The following CTNNA3 variants were observed in gnomAD, a reference collection of about 807,000 sequenced individuals.
The protein encoded by CTNNA3 is catenin alpha-3.
A neutral mutation model predicts 95.7 loss-of-function variants in CTNNA3; 76 were observed. That is an observed-to-expected ratio of 0.79 (90% confidence interval 0.66 to 0.96). CTNNA3 has a LOEUF of 0.96. Ranked by LOEUF, CTNNA3 falls within the 40% of genes least tolerant of loss-of-function variation. CTNNA3 has a pLI of 0.00. For synonymous variants in CTNNA3, 431 were observed against 374.4 expected (o/e 1.15, Z -1.74); for missense variants, 1,191 against 1,089.8 (o/e 1.09, Z -1.31).
At chr10:66,919,504 C>T (rs190566903) in intron 7 of CTNNA3, among the ~76,000 whole-genome samples, 51 of 152,228 alleles carry the variant, frequency 3.4e-4, no homozygotes, top group African/African-American at 1.2e-3. Flanking sequence ...TATGGATTGA[C>T]GCTGCTGCAT....
chr10:66,066,460 A>G (rs1184236122), intron 15 of CTNNA3, among the ~76,000 whole-genome samples: 1 of 152,190 alleles, frequency 6.6e-6, no homozygotes, highest in Non-Finnish European at 1.5e-5. Flanking sequence ...AGAGAGAAGC[A>G]GAGACATATA....
rs193074309 is a variant in CTNNA3, at chr10:67,346,177, A to G, written c.580-126307T>C. ...ACTTTTTTGTTTCTATTTATACCTT[A>G]TTGTACTATCTAGGTCTTTAAAAGC... On this transcript the variant is annotated intron_variant, in intron 5 of 17. Coordinates refer to ENST00000433211, the MANE Select transcript of CTNNA3 (RefSeq NM_013266.4). Among the ~76,000 whole-genome samples, 625 of 152,208 alleles carry G rather than the reference A, an allele frequency of 4.1e-3. 6 individuals are homozygous for G. The highest frequency in any genetic ancestry group is 0.014 in the African/African-American group (576 of 41,554).
At chr10:66,432,323 A>G (rs1266922272) in intron 11 of CTNNA3, among the ~76,000 whole-genome samples, 1 of 152,196 alleles carries the variant, frequency 6.6e-6, no homozygotes, top group Non-Finnish European at 1.5e-5. Flanking sequence ...TTATGGCACT[A>G]AAACAGCGAT....
At chr10:67,695,846 A>G (rs187446797) in intron 1 of CTNNA3, among the ~76,000 whole-genome samples, 154 bp downstream of exon 1, 36 of 152,356 alleles carry the variant, frequency 2.4e-4, no homozygotes, top group African/African-American at 8.4e-4. Context: ...TAACTAGTCA[A>G]AACATTCCTA....
At chr10:67,739,583 A>G (rs1422056063) in intron 1 of CTNNA3, among the ~76,000 whole-genome samples, 1 of 151,822 alleles carries the variant, frequency 6.6e-6, no homozygotes, top group Non-Finnish European at 1.5e-5. Flanking sequence ...TAAAATACCT[A>G]GGAATCCACC....
At chr10:66,390,038 T>C (rs1000856169) in intron 11 of CTNNA3, among the ~76,000 whole-genome samples, 1 of 152,082 alleles carries the variant, frequency 6.6e-6, no homozygotes, top group African/African-American at 2.4e-5. Context: ...ACCTGGCCAG[T>C]TTTCAACAGT....
chr10:67,631,179 T>C (rs936657589), intron 2 of CTNNA3, among the ~76,000 whole-genome samples: 2 of 152,154 alleles, frequency 1.3e-5, no homozygotes, highest in African/African-American at 4.8e-5. Flanking sequence ...TGGAAGAATT[T>C]ATTACAGAGG....
At chr10:67,369,040 TC>T (rs1219552577) in intron 5 of CTNNA3, among the ~76,000 whole-genome samples, 2 of 152,170 alleles carry the variant, frequency 1.3e-5, no homozygotes, top group African/African-American at 2.4e-5. Flanking sequence ...AGCAGGGGGA[TC>T]TTTTGAGCCT....
At chr10:66,145,834 T>A (rs1021998205) in intron 13 of CTNNA3, among the ~76,000 whole-genome samples, 7 of 152,196 alleles carry the variant, frequency 4.6e-5, no homozygotes, top group Admixed American at 1.3e-4. Context: ...GGTTATCAGC[T>A]GCACTCACTC....
upstream of CTNNA3, among the ~76,000 whole-genome samples, chr10:67,697,667 C>T (rs2133599497): frequency 6.6e-6 from 1 of 152,148 alleles, no homozygotes; most frequent in Non-Finnish European, 1.5e-5. Flanking sequence ...ACAGATAAAA[C>T]CTTCTTACAG....
At chr10:67,220,974 G>A (rs1461477228) in intron 5 of CTNNA3, among the ~76,000 whole-genome samples, 1 of 152,094 alleles carries the variant, frequency 6.6e-6, no homozygotes, top group Non-Finnish European at 1.5e-5. Flanking sequence ...AATGACACCT[G>A]GGCAGTATTC....
At chr10:66,944,307 T>A (rs1848170586) in intron 7 of CTNNA3, among the ~76,000 whole-genome samples, 1 of 152,188 alleles carries the variant, frequency 6.6e-6, no homozygotes, top group African/African-American at 2.4e-5. Context: ...TCTCTGTTCA[T>A]CCATAAGCAG....
chr10:66,075,774 C>A (rs188897510), intron 14 of CTNNA3, among the ~76,000 whole-genome samples: 49 of 151,820 alleles, frequency 3.2e-4, no homozygotes, highest in African/African-American at 1.1e-3. Flanking sequence ...AACTCTCCAG[C>A]TGGCTAGTGA....
intron 9 of CTNNA3, among the ~76,000 whole-genome samples, chr10:66,675,185 A>G (rs1846806396): frequency 6.6e-6 from 1 of 152,058 alleles, no homozygotes; most frequent in African/African-American, 2.4e-5. Context: ...TATATTGAGC[A>G]AAACAAAAGC....
intron 7 of CTNNA3, among the ~76,000 whole-genome samples, chr10:66,876,987 C>T (rs1358849435): frequency 1.3e-5 from 2 of 152,076 alleles, no homozygotes; most frequent in African/African-American, 4.8e-5. Flanking sequence ...AGCCCTGAGT[C>T]ACATAATTCA....
intron 9 of CTNNA3, among the ~76,000 whole-genome samples, chr10:66,745,970 A>G (rs1191221892): frequency 6.6e-6 from 1 of 152,170 alleles, no homozygotes; most frequent in Non-Finnish European, 1.5e-5. Context: ...ATCCATGATA[A>G]GGCATTAGAT....
At chr10:65,936,172 C>T (rs527470176) in intron 17 of CTNNA3, among the ~76,000 whole-genome samples, 12 of 152,118 alleles carry the variant, frequency 7.9e-5, no homozygotes, top group East Asian at 1.9e-4. Flanking sequence ...AGACAGACTG[C>T]GCAAGTTCTT....
At chr10:66,774,926 C>A (rs1205485228) in intron 8 of CTNNA3, among the ~76,000 whole-genome samples, 1 of 152,038 alleles carries the variant, frequency 6.6e-6, no homozygotes, top group African/African-American at 2.4e-5. Context: ...TTTACAAAAA[C>A]TAATTTTTGA....
At chr10:66,609,056 T>C (rs1203376772) in intron 10 of CTNNA3, among the ~76,000 whole-genome samples, 1 of 151,746 alleles carries the variant, frequency 6.6e-6, no homozygotes, top group Non-Finnish European at 1.5e-5. Flanking sequence ...CAAAGGTCTA[T>C]TATCTTTTTT....
Sources: gnomAD v4.1 joint callset for allele counts (sites outside exome capture counted in the v4.1 genomes callset) on GRCh38, gnomAD v4.1.1 for gene constraint, MANE v1.5 for transcripts, NCBI Gene and HGNC (gene_info 2026-07-23, HGNC 2026-07-21) for gene names.